The following CADPS2 variants were observed in gnomAD, a reference collection of about 807,000 sequenced individuals.
CADPS2 encodes the protein calcium-dependent secretion activator 2.
CADPS2 carries 93 observed loss-of-function variants against 172.5 expected under a neutral mutation model. The ratio of observed to expected loss-of-function variants is 0.54; its 90% CI spans 0.46 to 0.64. CADPS2 has a LOEUF of 0.64. Ranked by LOEUF, CADPS2 falls within the 30% of genes least tolerant of loss-of-function variation. The probability of loss-of-function intolerance (pLI) is 0.00; values close to 1 mark genes in which losing one functional copy is unlikely to be tolerated. For missense variants in CADPS2, 1,420 were observed against 1,565.9 expected (o/e 0.91, Z 1.57); for synonymous variants, 546 against 555.2 (o/e 0.98, Z 0.23).
At chr7:122,537,411 T>C (rs2062418771) in intron 8 of CADPS2, among the ~76,000 whole-genome samples, 1 of 151,806 alleles carries the variant, frequency 6.6e-6, no homozygotes. Flanking sequence ...GATTCTTTCT[T>C]ATGCTAATAG....
At chr7:122,529,786 A>G (rs577392607) in intron 8 of CADPS2, among the ~76,000 whole-genome samples, 1 of 152,220 alleles carries the variant, frequency 6.6e-6, no homozygotes, top group East Asian at 1.9e-4. Context: ...CCAAAATTAC[A>G]TTCCTGGGTA....
chr7:122,802,050 T>C (rs991889915), intron 1 of CADPS2, among the ~76,000 whole-genome samples: 3 of 152,190 alleles, frequency 2.0e-5, no homozygotes, highest in African/African-American at 7.2e-5. Flanking sequence ...AAAATCTATT[T>C]AGAAAAGCTA....
Position 122,762,163 on chromosome 7 carries a change from G to A in CADPS2, c.340-25095C>T, listed in dbSNP as rs140940304. On this transcript the variant is annotated intron_variant, in intron 1 of 29. Coordinates refer to ENST00000449022, the MANE Select transcript of CADPS2 (RefSeq NM_017954.11). ...CAGAAAAGAAGTACTCAATAGAGGC[G>A]TTGGAAGATAAAGTTCAAGAAATCC... Among the ~76,000 whole-genome samples, 965 of 151,622 alleles carry A rather than the reference G, an allele frequency of 6.4e-3. 4 individuals carry two copies. The highest frequency in any genetic ancestry group is 0.01 in the Middle Eastern group (3 of 292).
chr7:122,801,433 T>G (rs926391345), intron 1 of CADPS2, among the ~76,000 whole-genome samples: 12 of 152,236 alleles, frequency 7.9e-5, no homozygotes, highest in African/African-American at 2.9e-4. Flanking sequence ...GATTTTGATC[T>G]AAGTAATTCA....
At chr7:122,406,379 G>T (rs758848493) in intron 20 of CADPS2, among the ~76,000 whole-genome samples, 1 of 152,204 alleles carries the variant, frequency 6.6e-6, no homozygotes, top group East Asian at 1.9e-4. Flanking sequence ...CATATAAAAC[G>T]TTCTAAATAA....
Position 122,766,162 on chromosome 7 carries a change from C to T in CADPS2, c.340-29094G>A, listed in dbSNP as rs559040673. ...CCACACTCTTGCAGTAACCCAGTTCCAAGAGAAAATGAACTCACTACTAGA... is the reference window on the plus strand; with the variant it reads ...CCACACTCTTGCAGTAACCCAGTTCTAAGAGAAAATGAACTCACTACTAGA... On this transcript the variant is annotated intron_variant, in intron 1 of 29. Transcript: ENST00000449022. Among the ~76,000 whole-genome samples, 6 of 152,028 alleles carry T rather than the reference C, an allele frequency of 3.9e-5. No individual in the cohort carries two copies. In the East Asian group the frequency reaches 1.2e-3, roughly 30 times the overall value.
chr7:122,575,084 CTTA>C (rs1340286970), intron 7 of CADPS2, among the ~76,000 whole-genome samples: 1 of 151,570 alleles, frequency 6.6e-6, no homozygotes, highest in African/African-American at 2.4e-5. Flanking sequence ...AAAAAATAGT[CTTA>C]TTTTTTTCTT....
intron 27 of CADPS2, among the ~76,000 whole-genome samples, chr7:122,350,309 G>C (rs2151023860): frequency 6.6e-6 from 1 of 152,130 alleles, no homozygotes; most frequent in East Asian, 1.9e-4. Context: ...ATTTATAATT[G>C]ATCATAGAAC....
intron 7 of CADPS2, among the ~76,000 whole-genome samples, chr7:122,565,782 T>C (rs2066387090): frequency 6.6e-6 from 1 of 152,192 alleles, no homozygotes; most frequent in African/African-American, 2.4e-5. Flanking sequence ...TTTTTGTGTA[T>C]GTACTGAGAA....
At chr7:122,553,834 T>C (rs1439363294) in intron 8 of CADPS2, among the ~76,000 whole-genome samples, 2 of 152,180 alleles carry the variant, frequency 1.3e-5, no homozygotes, top group Non-Finnish European at 2.9e-5. Context: ...TCTTTCCTAA[T>C]GGCTAATACC....
chr7:122,467,122 C>A (rs2152123564), intron 14 of CADPS2, among the ~76,000 whole-genome samples: 1 of 152,274 alleles, frequency 6.6e-6, no homozygotes, highest in East Asian at 1.9e-4. Context: ...TCCCTTCTGC[C>A]TTTGCACATT....
In CADPS2 at chr7:122,723,214, G is replaced by A. The variant is rs577493837; in HGVS notation, c.453+13741C>T. Among the ~76,000 whole-genome samples the A allele has an allele frequency of 2.0e-3, 305 of 152,016 alleles. 1 individual carries two copies. The highest frequency in any genetic ancestry group is 3.8e-3 in the Non-Finnish European group (255 of 67,934). ...TTAAACTAAAGAGCTTCTGCACAGT[G>A]AAAGAAACTACCATCAGAGTGAACA... On this transcript the variant is annotated intron_variant, in intron 2 of 29. Coordinates refer to ENST00000449022, the MANE Select transcript of CADPS2 (RefSeq NM_017954.11).
chr7:122,729,532 T>A (rs2091437467), intron 2 of CADPS2, among the ~76,000 whole-genome samples: 1 of 151,836 alleles, frequency 6.6e-6, no homozygotes, highest in Non-Finnish European at 1.5e-5. Flanking sequence ...CAACATCTGT[T>A]ATTTTTTGCC....
Position 122,371,176 on chromosome 7 carries a change from C to T in CADPS2, c.3387+8192G>A, listed in dbSNP as rs930728244. On this transcript the variant is annotated intron_variant, in intron 25 of 29. Coordinates refer to ENST00000449022, the MANE Select transcript of CADPS2 (RefSeq NM_017954.11). Reference sequence around the variant, plus strand: ...CACAGGGAATAAGGAATGCCTACAACATATGAAGCATCGGCAATAAATGGT... The same window carrying T: ...CACAGGGAATAAGGAATGCCTACAATATATGAAGCATCGGCAATAAATGGT... 3.3e-5 allele frequency among the ~76,000 whole-genome samples: 5 copies of T among 152,154 alleles called. No individual in the cohort carries two copies. In the South Asian group the frequency reaches 6.2e-4, roughly 19 times the overall value.
rs556785943 is a variant in CADPS2 at position 122,720,487 on chromosome 7, T to C, written c.453+16468A>G. Among the ~76,000 whole-genome samples, 16 of 151,154 alleles carry C rather than the reference T, an allele frequency of 1.1e-4. No homozygotes were observed. In the South Asian group the frequency reaches 2.7e-3, roughly 26 times the overall value. On this transcript the variant is annotated intron_variant, in intron 2 of 29. Coordinates refer to ENST00000449022, the MANE Select transcript of CADPS2 (RefSeq NM_017954.11). ...ATGTAGATATATGTATGTATGTATA[T>C]ATGTATATGTATATACGTATAAGTA... is the stretch of plus-strand genomic sequence containing the variant.
intron 1 of CADPS2, among the ~76,000 whole-genome samples, chr7:122,838,659 G>A (rs1737983262): frequency 1.3e-5 from 2 of 152,134 alleles, no homozygotes; most frequent in African/African-American, 4.8e-5. Flanking sequence ...GTCAAATCAT[G>A]AGTGAACTCC....
intron 4 of CADPS2, among the ~76,000 whole-genome samples, chr7:122,626,338 G>A (rs1256451243): frequency 6.6e-6 from 1 of 152,132 alleles, no homozygotes; most frequent in Non-Finnish European, 1.5e-5. Context: ...ACAGTGGAAA[G>A]GGAAGGATGG....
chr7:122,796,988 G>A (rs1041785948), intron 1 of CADPS2, among the ~76,000 whole-genome samples: 3 of 151,356 alleles, frequency 2.0e-5, no homozygotes, highest in African/African-American at 7.3e-5. Flanking sequence ...AACATCCAGC[G>A]TCTATAAAGA....
chr7:122,845,662 C>A (rs1461954953), intron 1 of CADPS2, among the ~76,000 whole-genome samples: 1 of 152,218 alleles, frequency 6.6e-6, no homozygotes, highest in Non-Finnish European at 1.5e-5. Context: ...CCACTGCAGG[C>A]TTCCAGCCTA....
Sources: gnomAD v4.1 joint callset for allele counts (sites outside exome capture counted in the v4.1 genomes callset) on GRCh38, gnomAD v4.1.1 for gene constraint, MANE v1.5 for transcripts, NCBI Gene and HGNC (gene_info 2026-07-23, HGNC 2026-07-21) for gene names.